SMARCE1: variants seen among roughly 807,000 people sequenced by gnomAD.
The protein encoded by SMARCE1 is SWI/SNF related BAF chromatin remodeling complex subunit E1, also known as SWI/SNF-related matrix-associated actin-dependent regulator of chromatin subfamily E member 1.
A neutral mutation model predicts 54.9 loss-of-function variants in SMARCE1; 13 were observed. That is an observed-to-expected ratio of 0.24 (90% CI 0.15 to 0.38). The LOEUF (loss-of-function observed/expected upper bound fraction) is 0.38. SMARCE1 is among the 10% of genes least tolerant of loss of function. SMARCE1 has a pLI of 1.00. For missense variants in SMARCE1, 295 were observed against 523.8 expected, an observed-to-expected ratio of 0.56 and a Z score of 4.26; for synonymous variants, 151 against 175.3, an observed-to-expected ratio of 0.86 and a Z score of 1.10.
At chr17:40,645,897 C>G in intron 1 of SMARCE1, 50 bp from the exon 2 acceptor site, 1 of 573,628 alleles carries the variant, frequency 1.7e-6, no homozygotes, top group South Asian at 5.3e-5. Context: ...ACTCAGCAAG[C>G]ATACGAGAAT....
At chr17:40,633,432 A>T (rs2037115727) in intron 7 of SMARCE1, 1 of 152,010 alleles carries the variant, frequency 6.6e-6, no homozygotes, top group South Asian at 2.1e-4. Flanking sequence ...ATTTTTCTTT[A>T]AACTAACTCA....
intron 10 of SMARCE1, chr17:40,629,800 G>T: frequency 2.6e-6 from 1 of 387,410 alleles, no homozygotes; most frequent in Non-Finnish European, 4.5e-6. Flanking sequence ...CCACAAAAAT[G>T]TGCTCATGCT....
intron 4 of SMARCE1, chr17:40,641,215 C>T (rs528598077): frequency 1.6e-4 from 25 of 152,306 alleles, no homozygotes; most frequent in African/African-American, 5.8e-4. Flanking sequence ...ATCCATTACA[C>T]TTGTGAAACA....
chr17:40,647,375 C>G (rs1316234824), intron 1 of SMARCE1: 1 of 152,448 alleles, frequency 6.6e-6, no homozygotes, highest in Non-Finnish European at 1.5e-5. Flanking sequence ...CAAACTATTT[C>G]AGAGCTCTGC....
chr17:40,629,823 C>T (rs1441318157), intron 10 of SMARCE1: 6 of 379,038 alleles, frequency 1.6e-5, no homozygotes, highest in Admixed American at 1.3e-4. Context: ...AAATTCATTA[C>T]AATAAAAAAC....
At position 40,630,841 on chromosome 17, in the gene SMARCE1, C is replaced by T; in HGVS notation, c.900G>A (p.Gln300=). The T allele has an allele frequency of 6.2e-7, 1 of 1,614,082 alleles. No individual in the cohort carries two copies. The highest frequency in any genetic ancestry group is 8.5e-7 in the Non-Finnish European group (1 of 1,180,014). ...CTGCGGCCTCCTTCTCCCTTTCCTCCTGCCTTTTGCGGGCCTGTTCCTCTG... is the reference window on the plus strand; with the variant it reads ...CTGCGGCCTCCTTCTCCCTTTCCTCTTGCCTTTTGCGGGCCTGTTCCTCTG... ...AQAEEQARKR[Q]EEREKEAAEQ... The change falls in exon 10 of 11, where the codon CAG becomes CAA. Residue 300 remains glutamine (Q), a synonymous_variant. Transcript: ENST00000348513.
chr17:40,627,794 C>G lies in SMARCE1; in HGVS notation c.*991G>C, dbSNP rs2037050290. ...TACCACTATTCAGTAAAAATCTATTCTAGTTTTTGGGAAGCTTATGTGTCA... is the reference window on the plus strand; with the variant it reads ...TACCACTATTCAGTAAAAATCTATTGTAGTTTTTGGGAAGCTTATGTGTCA... On this transcript the variant is annotated 3_prime_UTR_variant, in exon 11 of 11. Coordinates refer to ENST00000348513, the MANE Select transcript of SMARCE1 (RefSeq NM_003079.5). 1 of 152,394 alleles carries G rather than the reference C, an allele frequency of 6.6e-6. No homozygotes were observed. Among genetic ancestry groups the G allele is most frequent in the Admixed American group, 6.6e-5 (1 of 15,258 alleles). The allele number at this position is 152,394 out of a possible 1,614,324, so 9.4% of individuals were successfully genotyped here.
chr17:40,627,780 A>G lies in SMARCE1; in HGVS notation c.*1005T>C, dbSNP rs1480245454. The G allele has an allele frequency of 1.3e-5, 2 of 152,594 alleles. No homozygotes were observed. The highest frequency in any genetic ancestry group is 1.3e-4 in the Admixed American group (2 of 15,268). The allele number at this position is 152,594 out of a possible 1,614,324, so 9.5% of individuals were successfully genotyped here. ...TATACCATCAGATATACCACTATTC[A>G]GTAAAAATCTATTCTAGTTTTTGGG... On this transcript the variant is annotated 3_prime_UTR_variant, in exon 11 of 11. Coordinates refer to ENST00000348513, the MANE Select transcript of SMARCE1 (RefSeq NM_003079.5).
At chr17:40,633,386 A>G (rs949935073) in intron 7 of SMARCE1, 3 of 152,000 alleles carry the variant, frequency 2.0e-5, no homozygotes, top group South Asian at 2.1e-4. Context: ...AGTTTTTCAT[A>G]TATCTACTAA....
Position 40,637,029 on chromosome 17 carries a change from C to CAAA in SMARCE1, c.237+460_237+462dup, listed in dbSNP as rs398041688. 199 of 101,344 alleles carry CAAA rather than the reference C, an allele frequency of 2.0e-3. 1 individual carries two copies. Among genetic ancestry groups the CAAA allele is most frequent in the African/African-American group, 6.3e-3 (162 of 25,568 alleles). 6.3% of individuals were successfully genotyped at this position (101,344 alleles called of 1,614,324 possible). A position where few individuals can be genotyped will look rare whatever the true frequency, so the allele number is the denominator to read the frequency against. On this transcript the variant is annotated intron_variant, in intron 5 of 10. Transcript: ENST00000348513. Reference sequence around the variant, plus strand: ...TTTAAGAGTAATGTAGGCTCATCACCAAAAAAAAAAAAAAAAAAAGGAAAA... The same window carrying CAAA: ...TTTAAGAGTAATGTAGGCTCATCACCAAAAAAAAAAAAAAAAAAAAAAGGAAAA...
intron 8 of SMARCE1, 50 bp from the exon 9 acceptor site, chr17:40,631,743 C>T (rs768206950): frequency 3.0e-6 from 3 of 1,009,750 alleles, no homozygotes; most frequent in Admixed American, 3.5e-5. Flanking sequence ...TTTAATGGTC[C>T]ATACTTTCAA....
intron 4 of SMARCE1, chr17:40,641,436 T>C (rs2037199280): frequency 1.3e-5 from 2 of 152,222 alleles, no homozygotes; most frequent in Admixed American, 1.3e-4. Context: ...AGCAATATGC[T>C]TATCAAGATA....
rs753698521 is a variant in SMARCE1, at chr17:40,629,970, T to C, written c.1027+744A>G. On this transcript the variant is annotated intron_variant, in intron 10 of 10. Transcript: ENST00000348513. ...ATTCCATTACATGTTTTCCAGATGG[T>C]TGTCATCTGAGTACCAAGTATGACT... The C allele has an allele frequency of 1.6e-4, 59 of 375,546 alleles. No homozygotes were observed. In the Middle Eastern group the frequency reaches 4.8e-3, roughly 30 times the overall value. 23.3% of individuals were successfully genotyped at this position (375,546 alleles called of 1,614,324 possible).
chr17:40,647,682 C>A (rs1271904409), intron 1 of SMARCE1, 91 bp downstream of exon 1: 1 of 152,818 alleles, frequency 6.5e-6, no homozygotes, highest in Admixed American at 6.5e-5. Context: ...AGGCTGAACC[C>A]CAGCAACCCC....
At chr17:40,644,447 A>C (rs769091202) in intron 3 of SMARCE1, 21 of 152,278 alleles carry the variant, frequency 1.4e-4, no homozygotes, top group Admixed American at 3.3e-4. Flanking sequence ...GTTCAGCTCC[A>C]CCTGTATAGC....
At chr17:40,632,528 C>A in intron 7 of SMARCE1, 161 bp from the exon 8 acceptor site, 1 of 604,960 alleles carries the variant, frequency 1.7e-6, no homozygotes, top group Non-Finnish European at 2.9e-6. Flanking sequence ...TTGATAAAAA[C>A]CATACAGAGG....
intron 2 of SMARCE1, 45 bp from the exon 3 acceptor site, chr17:40,645,664 T>C: frequency 7.2e-7 from 1 of 1,391,482 alleles, no homozygotes; most frequent in Non-Finnish European, 9.7e-7. Context: ...AACTGAGATA[T>C]AATACTATGC....
At chr17:40,645,884 A>C in intron 1 of SMARCE1, 37 bp from the exon 2 acceptor site, 1 of 641,206 alleles carries the variant, frequency 1.6e-6, no homozygotes, top group Non-Finnish European at 2.4e-6. Flanking sequence ...AAAGAGAATC[A>C]AAACTCAGCA....
chr17:40,636,152 A>G, intron 6 of SMARCE1, 50 bp from the exon 7 acceptor site: 4 of 1,431,064 alleles, frequency 2.8e-6, no homozygotes, highest in Non-Finnish European at 3.9e-6. Context: ...TGCAGGTTAT[A>G]ATGCAGACCT....
Sources: gnomAD v4.1 joint callset for allele counts on GRCh38, gnomAD v4.1.1 for gene constraint, MANE v1.5 for transcripts, NCBI Gene and HGNC (gene_info 2026-07-23, HGNC 2026-07-21) for gene names.